The following TNRC6A variants were observed in gnomAD, a reference collection of about 807,000 sequenced individuals.
TNRC6A encodes trinucleotide repeat-containing gene 6A protein.
In TNRC6A, 44 loss-of-function variants were observed where a neutral mutation model predicts 221.2. The observed-to-expected ratio is 0.20, with a 90% CI of 0.16 to 0.26. The LOEUF (loss-of-function observed/expected upper bound fraction) is 0.26. Among genes scored for constraint, TNRC6A ranks in the 10% least tolerant of loss-of-function variants. The pLI, the probability that TNRC6A is intolerant of heterozygous loss-of-function variation, is 1.00. For missense variants in TNRC6A, 2,199 were observed against 2,404.4 expected (o/e 0.91, Z 1.79); for synonymous variants, 847 against 838.5 (o/e 1.01, Z -0.18).
At chr16:24,776,180 C>A in intron 4 of TNRC6A, 2 of 844,070 alleles carry the variant, frequency 2.4e-6, no homozygotes, top group Non-Finnish European at 1.4e-6. Flanking sequence ...GGTTTACTTA[C>A]ACTAGCTTAA....
intron 2 of TNRC6A, among the ~76,000 whole-genome samples, chr16:24,679,068 C>T (rs1383352795): frequency 6.7e-5 from 10 of 149,136 alleles, no homozygotes; most frequent in African/African-American, 1.7e-4. Context: ...GCACAATCTC[C>T]GCTCACCGCA....
At position 24,791,625 on chromosome 16, in the gene TNRC6A, A is replaced by G. The variant is rs761340261; in HGVS notation, c.2983A>G (p.Ile995Val). The G allele has an allele frequency of 1.2e-5, 19 of 1,610,952 alleles. No individual in the cohort carries two copies. The Admixed American group carries it at 1.3e-4, about 11-fold the overall frequency. Reference protein sequence around the residue: ...TGWEEPSPESIRRKMEIDDGT... With the variant: ...TGWEEPSPESVRRKMEIDDGT... Reference sequence around the variant, plus strand: ...CTGGGAGGAACCATCCCCAGAATCTATACGTCGCAAAATGGAGATTGATGA... The same window carrying G: ...CTGGGAGGAACCATCCCCAGAATCTGTACGTCGCAAAATGGAGATTGATGA... The change falls in exon 6 of 25, where the codon ATA (isoleucine) becomes GTA (valine). Residue 995 changes from isoleucine to valine, a missense_variant. Coordinates refer to ENST00000395799, the MANE Select transcript of TNRC6A (RefSeq NM_014494.4).
Position 24,790,188 on chromosome 16 carries a change from G to C in TNRC6A, c.1546G>C (p.Gly516Arg). The C allele has an allele frequency of 4.3e-6, 7 of 1,614,200 alleles. No individual in the cohort carries two copies. The highest frequency in any genetic ancestry group is 5.1e-6 in the Non-Finnish European group (6 of 1,180,044). The change falls in exon 6 of 25, where the codon GGC becomes CGC. Residue 516 changes from glycine to arginine, a missense_variant. By Grantham distance (125) the Gly-to-Arg change is moderately radical. Coordinates refer to ENST00000395799, the MANE Select transcript of TNRC6A (RefSeq NM_014494.4). The part of the protein sequence containing the change: ...HLSNGESKSG[G>R]SYGTTWGAYG... ...TAGCAATGGAGAGTCAAAAAGTGGAGGCTCTTATGGTACTACATGGGGTGC... is the reference window on the plus strand; with the variant it reads ...TAGCAATGGAGAGTCAAAAAGTGGACGCTCTTATGGTACTACATGGGGTGC...
chr16:24,633,357 C>T (rs1901449819), intron 1 of TNRC6A, among the ~76,000 whole-genome samples: 1 of 152,092 alleles, frequency 6.6e-6, no homozygotes, highest in African/African-American at 2.4e-5. Context: ...GCATCACTTA[C>T]TTTCAAAAAT....
chr16:24,693,624 G>T (rs1426795317), intron 2 of TNRC6A, among the ~76,000 whole-genome samples: 2 of 151,434 alleles, frequency 1.3e-5, no homozygotes, highest in African/African-American at 4.9e-5. Context: ...AATTATCCAG[G>T]CATGGTGTCA....
At chr16:24,760,537 CCTTCTTT>C (rs2151512022) in intron 4 of TNRC6A, among the ~76,000 whole-genome samples, 1 of 152,266 alleles carries the variant, frequency 6.6e-6, no homozygotes, top group African/African-American at 2.4e-5. Context: ...CTCATGTCAT[CCTTCTTT>C]TCACGCTGTC....
chr16:24,810,122 A>G (rs1297621301), intron 18 of TNRC6A, among the ~76,000 whole-genome samples: 1 of 152,126 alleles, frequency 6.6e-6, no homozygotes, highest in Non-Finnish European at 1.5e-5. Flanking sequence ...CCATAATTTT[A>G]TTTCTATCAA....
At chr16:24,703,638 T>C (rs2056032866) in intron 2 of TNRC6A, among the ~76,000 whole-genome samples, 1 of 152,234 alleles carries the variant, frequency 6.6e-6, no homozygotes, top group African/African-American at 2.4e-5. Flanking sequence ...CATTCATTGA[T>C]GGACATTTGA....
intron 11 of TNRC6A, among the ~76,000 whole-genome samples, chr16:24,802,018 TA>T (rs2058341755): frequency 6.6e-6 from 1 of 152,220 alleles, no homozygotes; most frequent in Non-Finnish European, 1.5e-5. Context: ...AGAGGGCTCT[TA>T]AACAACTGTG....
At chr16:24,797,765 C>A in intron 10 of TNRC6A, 150 bp from the exon 11 acceptor site, 1 of 890,686 alleles carries the variant, frequency 1.1e-6, no homozygotes, top group Non-Finnish European at 1.6e-6. Context: ...TATTTTAAAA[C>A]ATTTTAAAAA....
intron 2 of TNRC6A, among the ~76,000 whole-genome samples, chr16:24,643,314 A>T (rs980925681): frequency 6.6e-6 from 1 of 151,378 alleles, no homozygotes; most frequent in African/African-American, 2.4e-5. Flanking sequence ...GTGCCGTGAC[A>T]CTGAGGTTTC....
At chr16:24,674,469 T>C (rs2055367531) in intron 2 of TNRC6A, among the ~76,000 whole-genome samples, 1 of 152,148 alleles carries the variant, frequency 6.6e-6, no homozygotes, top group South Asian at 2.1e-4. Flanking sequence ...CCCTAAACAG[T>C]GAGTTATCAG....
intron 4 of TNRC6A, among the ~76,000 whole-genome samples, chr16:24,765,515 AG>A (rs1224702605): frequency 6.6e-6 from 1 of 152,182 alleles, no homozygotes; most frequent in African/African-American, 2.4e-5. Context: ...TTTGTGTTGT[AG>A]GGTGGTATTA....
chr16:24,674,768 C>T (rs901426435), intron 2 of TNRC6A, among the ~76,000 whole-genome samples: 5 of 151,156 alleles, frequency 3.3e-5, no homozygotes, highest in South Asian at 2.1e-4. Context: ...AATCATGTGA[C>T]GTAAACTTTT....
chr16:24,657,903 T>C (rs1376523428), intron 2 of TNRC6A, among the ~76,000 whole-genome samples: 2 of 152,178 alleles, frequency 1.3e-5, no homozygotes, highest in Non-Finnish European at 2.9e-5. Context: ...TAAAACAGCA[T>C]TTCCTACATT....
chr16:24,730,741 GCCCCCCCCCCC>G, intron 2 of TNRC6A, among the ~76,000 whole-genome samples: 1 of 39,628 alleles, frequency 2.5e-5, no homozygotes, highest in Middle Eastern at 0.014. Context: ...ATTCCCCCCC[GCCCCCCCCCCC>G]CCCCCATACA....
Position 24,729,807 on chromosome 16 carries a change from T to C in TNRC6A, c.-35T>C. The C allele has an allele frequency of 7.1e-7, 1 of 1,405,118 alleles. No individual in the cohort carries two copies. Among genetic ancestry groups the C allele is most frequent in the Non-Finnish European group, 9.3e-7 (1 of 1,072,402 alleles). The allele number at this position is 1,405,118 out of a possible 1,614,324, so 87.0% of individuals were successfully genotyped here. ...AGGGCTTGAGGCTCGCGAGCCTCCTTCGCCGCGCCCCACTTGCTCGTGCAC... is the reference window on the plus strand; with the variant it reads ...AGGGCTTGAGGCTCGCGAGCCTCCTCCGCCGCGCCCCACTTGCTCGTGCAC... On this transcript the variant is annotated 5_prime_UTR_variant, in exon 1 of 25. Coordinates refer to ENST00000395799, the MANE Select transcript of TNRC6A (RefSeq NM_014494.4).
intron 12 of TNRC6A, 169 bp from the exon 13 acceptor site, chr16:24,804,536 G>T: frequency 8.6e-7 from 1 of 1,165,664 alleles, no homozygotes. Flanking sequence ...AATATGTTTG[G>T]CTCTTTTTGT....
intron 18 of TNRC6A, among the ~76,000 whole-genome samples, chr16:24,813,395 C>T (rs1176271863): frequency 6.6e-6 from 1 of 152,210 alleles, no homozygotes; most frequent in African/African-American, 2.4e-5. Context: ...TTTGGGTATA[C>T]ATTGGTTAGC....
Sources: allele counts gnomAD v4.1 joint callset (sites outside exome capture counted in the v4.1 genomes callset), GRCh38; gene constraint gnomAD v4.1.1; transcripts MANE v1.5; gene names NCBI Gene and HGNC (gene_info 2026-07-23, HGNC 2026-07-21).